The following UPP2 variants were observed in gnomAD, a reference collection of about 807,000 sequenced individuals.
UPP2 encodes uridine phosphorylase 2, also known as UPase 2.
Under a neutral mutation model 26.7 loss-of-function variants are expected in UPP2, and 23 were observed. The ratio of observed to expected loss-of-function variants is 0.86; its 90% confidence interval spans 0.62 to 1.22. UPP2 has a LOEUF of 1.22. UPP2 is among the 50% of genes most tolerant of loss of function. UPP2 has a pLI of 0.00. For missense variants in UPP2, 387 were observed against 396.7 expected (o/e 0.98, Z 0.21); for synonymous variants, 127 against 141.3 (o/e 0.90, Z 0.72).
intron 6 of UPP2, chr2:158,133,763 C>T (rs190897030): frequency 1.9e-3 from 283 of 152,282 alleles, no homozygotes; most frequent in African/African-American, 6.5e-3. Flanking sequence ...AAACACTACC[C>T]TCATGCCCAA....
At position 158,102,020 on chromosome 2, in the gene UPP2, T is replaced by G; in HGVS notation, c.-44T>G. 1.2e-6 allele frequency: 2 copies of G among 1,607,866 alleles called. No individual in the cohort carries two copies. The highest frequency in any genetic ancestry group is 2.2e-5 in the South Asian group (2 of 90,000). ...TTAATAACAAGTCACAATATCTCTC[T>G]TTCTTGACATCAATTTAAGGTGACT... On this transcript the variant is annotated 5_prime_UTR_variant, in exon 1 of 7. Transcript: ENST00000005756.
intron 2 of UPP2, among the ~76,000 whole-genome samples, chr2:158,112,471 C>T (rs1330962401): frequency 2.6e-5 from 4 of 151,862 alleles, no homozygotes; most frequent in Non-Finnish European, 4.4e-5. Context: ...GATGAAAGAC[C>T]TAAATGTAAG....
At chr2:158,065,514 AC>A in intron 3 of UPP2, 1 of 406,580 alleles carries the variant, frequency 2.5e-6, no homozygotes, top group South Asian at 2.3e-5. Flanking sequence ...TTCTTTCATA[AC>A]CCTATTGAGT....
intron 2 of UPP2, among the ~76,000 whole-genome samples, chr2:158,013,616 C>T (rs1174455084): frequency 2.6e-5 from 4 of 152,104 alleles, no homozygotes; most frequent in East Asian, 1.9e-4. Context: ...GCAACTCACT[C>T]GGAAGAGATG....
chr2:158,018,025 T>A (rs980861873), intron 3 of UPP2, among the ~76,000 whole-genome samples: 2 of 152,204 alleles, frequency 1.3e-5, no homozygotes, highest in Non-Finnish European at 2.9e-5. Flanking sequence ...TTGGATGTAA[T>A]GATAATTAAT....
intron 3 of UPP2, among the ~76,000 whole-genome samples, chr2:158,069,713 C>T (rs1227816925): frequency 6.6e-6 from 1 of 152,214 alleles, no homozygotes; most frequent in Non-Finnish European, 1.5e-5. Flanking sequence ...AGTGATCTCT[C>T]AGTCACTCTG....
intron 2 of UPP2, among the ~76,000 whole-genome samples, chr2:158,110,246 C>G (rs1236681310): frequency 6.6e-6 from 1 of 152,094 alleles, no homozygotes; most frequent in Non-Finnish European, 1.5e-5. Context: ...TGAGTGAGAA[C>G]ATGCGGTGTT....
chr2:158,023,934 A>T (rs1318524726), intron 3 of UPP2, among the ~76,000 whole-genome samples: 1 of 152,094 alleles, frequency 6.6e-6, no homozygotes, highest in Non-Finnish European at 1.5e-5. Context: ...CCTCCCTCCC[A>T]GGGCCCAAGG....
chr2:158,080,127 C>A (rs534763419), intron 3 of UPP2, among the ~76,000 whole-genome samples: 42 of 152,208 alleles, frequency 2.8e-4, no homozygotes, highest in African/African-American at 9.9e-4. Flanking sequence ...TCTTTAATTA[C>A]ATATTCATAA....
intron 3 of UPP2, among the ~76,000 whole-genome samples, chr2:158,082,661 T>C (rs958356436): frequency 2.0e-5 from 3 of 152,190 alleles, no homozygotes; most frequent in Non-Finnish European, 4.4e-5. Flanking sequence ...GAAGATTTCA[T>C]GACTAAAACA....
At chr2:158,121,702 C>T in intron 5 of UPP2, 84 bp downstream of exon 5, 1 of 1,218,550 alleles carries the variant, frequency 8.2e-7, no homozygotes, top group Non-Finnish European at 1.2e-6. Context: ...ATATTAACAA[C>T]TCTACTTAAG....
chr2:158,059,426 G>A (rs1682314813), intron 3 of UPP2, among the ~76,000 whole-genome samples: 1 of 152,210 alleles, frequency 6.6e-6, no homozygotes, highest in South Asian at 2.1e-4. Context: ...ATTGAACTGG[G>A]CTCTTGTCTT....
intron 5 of UPP2, 55 bp from the exon 6 acceptor site, chr2:158,123,694 C>A: frequency 1.3e-6 from 2 of 1,585,158 alleles, no homozygotes; most frequent in South Asian, 1.2e-5. Context: ...TCCTATGAGG[C>A]CACTGTCAGT....
At chr2:158,105,057 T>G (rs1459797270) in intron 1 of UPP2, among the ~76,000 whole-genome samples, 12 of 111,652 alleles carry the variant, frequency 1.1e-4, no homozygotes, top group African/African-American at 1.4e-4. Flanking sequence ...GGCAGGCATG[T>G]GGAGAGAAAT....
At chr2:158,004,599 C>A (rs1359822794) in intron 2 of UPP2, among the ~76,000 whole-genome samples, 1 of 152,180 alleles carries the variant, frequency 6.6e-6, no homozygotes, top group Non-Finnish European at 1.5e-5. Flanking sequence ...ACAAAACAGG[C>A]TCTCCCCTCA....
intron 3 of UPP2, among the ~76,000 whole-genome samples, chr2:158,055,269 G>A (rs971406705): frequency 1.1e-4 from 16 of 152,190 alleles, no homozygotes; most frequent in African/African-American, 2.9e-4. Flanking sequence ...CTTTTATAAA[G>A]CCACCAGTTT....
intron 3 of UPP2, among the ~76,000 whole-genome samples, chr2:158,057,639 A>C (rs1427013845): frequency 6.6e-6 from 1 of 152,088 alleles, no homozygotes; most frequent in Non-Finnish European, 1.5e-5. Flanking sequence ...TCCAATAGTG[A>C]TACATTATTA....
chr2:158,088,053 C>G (rs1682845180), intron 3 of UPP2, among the ~76,000 whole-genome samples: 1 of 152,168 alleles, frequency 6.6e-6, no homozygotes, highest in Non-Finnish European at 1.5e-5. Context: ...GGGAAGTGTT[C>G]TGTAATTATT....
At chr2:158,075,745 T>C (rs977829943) in intron 3 of UPP2, among the ~76,000 whole-genome samples, 3 of 151,102 alleles carry the variant, frequency 2.0e-5, no homozygotes, top group Admixed American at 6.6e-5. Context: ...GAAGAAAATA[T>C]TCAAATAAAC....
Sources: allele counts gnomAD v4.1 joint callset (sites outside exome capture counted in the v4.1 genomes callset), GRCh38; gene constraint gnomAD v4.1.1; transcripts MANE v1.5; gene names NCBI Gene and HGNC (gene_info 2026-07-23, HGNC 2026-07-21).